The following ATP10A variants were observed in gnomAD, a reference collection of about 807,000 sequenced individuals.
ATP10A encodes the protein phospholipid-transporting ATPase VA.
Under a neutral mutation model 147.8 loss-of-function variants are expected in ATP10A, and 111 were observed. The observed-to-expected ratio is 0.75, with a 90% CI of 0.64 to 0.88. The LOEUF (loss-of-function observed/expected upper bound fraction) is 0.88, where lower values mean the gene tolerates loss of function less well. Among genes scored for constraint, ATP10A ranks in the 40% least tolerant of loss-of-function variants. The probability of loss-of-function intolerance (pLI) is 0.00; values close to 1 mark genes in which losing one functional copy is unlikely to be tolerated. For missense variants in ATP10A, 1,927 were observed against 1,959.0 expected (o/e 0.98, Z 0.31); for synonymous variants, 875 against 841.6 (o/e 1.04, Z -0.69).
rs1242091871 is a variant in ATP10A, at chr15:25,689,409, G to GC, written c.3166-1582dup. Among the ~76,000 whole-genome samples, 20 of 152,250 alleles carry GC rather than the reference G, an allele frequency of 1.3e-4. 1 individual carries two copies. The highest frequency in any genetic ancestry group is 4.6e-4 in the African/African-American group (19 of 41,540). ...CTGTGGGATCTCCTTTGTTCCTCTT[G>GC]CCCCCTGCCTGGGGCAGTCTCCCCA... On this transcript the variant is annotated intron_variant, in intron 15 of 20. Transcript: ENST00000555815.
chr15:25,833,240 C>T (rs112310478), intron 1 of ATP10A, among the ~76,000 whole-genome samples: 12,836 of 152,102 alleles, frequency 0.084, 1,058 homozygotes, highest in African/African-American at 0.21. Flanking sequence ...ACCTTGACCT[C>T]CCAAAGTGCT....
chr15:25,862,631 C>T lies in ATP10A; in HGVS notation c.449+17G>A, dbSNP rs1597015735. 1.3e-6 allele frequency: 2 copies of T among 1,540,220 alleles called. No individual in the cohort carries two copies. On this transcript the variant is annotated intron_variant, in intron 1 of 20. Coordinates refer to ENST00000555815, the MANE Select transcript of ATP10A (RefSeq NM_024490.4). Reference sequence around the variant, plus strand: ...CCTGCGCCACCGCGCGCTCGCTCGCCCGCCCGCCCAACTCACCTGCTGAAG... The same window carrying T: ...CCTGCGCCACCGCGCGCTCGCTCGCTCGCCCGCCCAACTCACCTGCTGAAG...
chr15:25,734,212 T>C (rs1887132013), intron 3 of ATP10A, among the ~76,000 whole-genome samples: 1 of 152,020 alleles, frequency 6.6e-6, no homozygotes, highest in South Asian at 2.1e-4. Flanking sequence ...TCACCTTTCC[T>C]AGGCTCTGTG....
rs375690149 is a variant in ATP10A at position 25,679,506 on chromosome 15, C to A, written c.4335G>T (p.Ser1445=). The change falls in exon 21 of 21, where the codon TCG becomes TCT. Residue 1445 remains serine (S), a synonymous_variant. Coordinates refer to ENST00000555815, the MANE Select transcript of ATP10A (RefSeq NM_024490.4). The part of the protein sequence containing the change: ...FSLLNWISSW[S]LVSRLGSVLQ... ...AGACACTCCCCAGCCTGCTGACCAG[C>A]GACCAGGAGGAAATCCAGTTGAGTA... is the stretch of plus-strand genomic sequence containing the variant. The A allele has an allele frequency of 6.2e-7, 1 of 1,613,802 alleles. No homozygotes were observed. Among genetic ancestry groups the A allele is most frequent in the Non-Finnish European group, 8.5e-7 (1 of 1,179,804 alleles).
chr15:25,835,852 C>T (rs763843811), intron 1 of ATP10A, among the ~76,000 whole-genome samples: 12 of 152,164 alleles, frequency 7.9e-5, no homozygotes, highest in African/African-American at 1.2e-4. Flanking sequence ...CTCACTCTGT[C>T]GCCAAGGCTA....
At chr15:25,705,452 AAC>A (rs1900925257) in intron 12 of ATP10A, among the ~76,000 whole-genome samples, 3 of 27,902 alleles carry the variant, frequency 1.1e-4, no homozygotes, top group South Asian at 2.9e-3. Flanking sequence ...AAAAAAAAAA[AAC>A]AAAAAAAAAA....
chr15:25,781,205 C>T lies in ATP10A; in HGVS notation c.468G>A (p.Val156=), dbSNP rs752470019. The T allele has an allele frequency of 5.6e-6, 9 of 1,613,826 alleles. No individual in the cohort carries two copies. Among genetic ancestry groups the T allele is most frequent in the Middle Eastern group, 1.6e-4 (1 of 6,062 alleles). ...CGTGGATTTCTTTCCAGAATCGGTT[C>T]ACGTATTTCTTTTCTTCCCTAGAAA... The part of the protein sequence containing the change: ...LVFSREEKKY[V]NRFWKEIHVG... The change falls in exon 2 of 21, where the codon GTG becomes GTA. Residue 156 remains valine, a synonymous_variant. Coordinates refer to ENST00000555815, the MANE Select transcript of ATP10A (RefSeq NM_024490.4).
intron 17 of ATP10A, among the ~76,000 whole-genome samples, chr15:25,681,541 G>A (rs149090424): frequency 7.9e-5 from 12 of 152,210 alleles, no homozygotes; most frequent in South Asian, 2.1e-4. Flanking sequence ...TATTTAGGTT[G>A]ACACCTCGAA....
At chr15:25,828,623 C>T (rs181294134) in intron 1 of ATP10A, among the ~76,000 whole-genome samples, 40 of 152,288 alleles carry the variant, frequency 2.6e-4, no homozygotes, top group African/African-American at 9.4e-4. Flanking sequence ...CCAAAACATA[C>T]GGGATGCAGC....
rs140132853 is a variant in ATP10A at position 25,822,906 on chromosome 15, T to C, written c.449+39742A>G. 7.7e-3 allele frequency among the ~76,000 whole-genome samples: 1,177 copies of C among 152,330 alleles called. 14 individuals are homozygous for C. Among genetic ancestry groups the C allele is most frequent in the African/African-American group, 0.026 (1,064 of 41,578 alleles). On this transcript the variant is annotated intron_variant, in intron 1 of 20. Coordinates refer to ENST00000555815, the MANE Select transcript of ATP10A (RefSeq NM_024490.4). ...CTAGATTCCTATGTAATATTTTTTC[T>C]TAGACTTTCCATCTAGGATTGTAAA...
chr15:25,727,341 G>A, intron 3 of ATP10A, 75 bp from the exon 4 acceptor site: 1 of 1,258,474 alleles, frequency 7.9e-7, no homozygotes, highest in Non-Finnish European at 1.2e-6. Context: ...ATGCCTTGAG[G>A]AAGGAAGGCC....
chr15:25,685,590 G>A (rs1206485491), intron 16 of ATP10A, among the ~76,000 whole-genome samples: 3 of 152,048 alleles, frequency 2.0e-5, no homozygotes, highest in African/African-American at 7.2e-5. Flanking sequence ...CCACACTTTG[G>A]GAGGCAGAGA....
At chr15:25,781,656 A>G (rs1321431568) in intron 1 of ATP10A, among the ~76,000 whole-genome samples, 1 of 150,558 alleles carries the variant, frequency 6.6e-6, no homozygotes, top group Non-Finnish European at 1.5e-5. Context: ...TTCCGTCTCA[A>G]AAAAAAAGAA....
intron 1 of ATP10A, among the ~76,000 whole-genome samples, chr15:25,811,965 A>G (rs1471489709): frequency 6.6e-6 from 1 of 152,224 alleles, no homozygotes; most frequent in Non-Finnish European, 1.5e-5. Flanking sequence ...AAAGCGCTCC[A>G]GCCCCAGCTG....
At chr15:25,858,891 A>AG (rs1014900397) in intron 1 of ATP10A, among the ~76,000 whole-genome samples, 1 of 151,990 alleles carries the variant, frequency 6.6e-6, no homozygotes, top group Non-Finnish European at 1.5e-5. Flanking sequence ...AGCAAAAGGG[A>AG]GAAAAAAAAA....
At chr15:25,809,321 C>T (rs1307652124) in intron 1 of ATP10A, among the ~76,000 whole-genome samples, 1 of 152,056 alleles carries the variant, frequency 6.6e-6, no homozygotes, top group African/African-American at 2.4e-5. Context: ...GCATGCACTC[C>T]CCAAACCTTC....
intron 1 of ATP10A, among the ~76,000 whole-genome samples, chr15:25,833,763 G>A (rs1273336858): frequency 2.0e-5 from 3 of 152,118 alleles, no homozygotes; most frequent in African/African-American, 2.4e-5. Flanking sequence ...GACAGATCAC[G>A]AGATTGAGAC....
chr15:25,695,595 C>G (rs1480170768), intron 13 of ATP10A, among the ~76,000 whole-genome samples: 1 of 152,082 alleles, frequency 6.6e-6, no homozygotes, highest in Non-Finnish European at 1.5e-5. Flanking sequence ...TGCCACTGCA[C>G]TCCAGCCTAG....
chr15:25,823,266 CAGTATCGATGATAGTAAT>C (rs1439467214), intron 1 of ATP10A, among the ~76,000 whole-genome samples: 1 of 152,114 alleles, frequency 6.6e-6, no homozygotes, highest in Admixed American at 6.5e-5. Flanking sequence ...ACATTAGCAA[CAGTATCGATGATAGTAAT>C]AGTACAGACA....
Sources: gnomAD v4.1 joint callset for allele counts (sites outside exome capture counted in the v4.1 genomes callset) on GRCh38, gnomAD v4.1.1 for gene constraint, MANE v1.5 for transcripts, NCBI Gene and HGNC (gene_info 2026-07-23, HGNC 2026-07-21) for gene names.